GABRA2: variants seen among roughly 807,000 people sequenced by gnomAD.
The protein encoded by GABRA2 is gamma-aminobutyric acid receptor subunit alpha-2.
A neutral mutation model predicts 48.7 loss-of-function variants in GABRA2; 16 were observed. That is an observed-to-expected ratio of 0.33 (90% CI 0.22 to 0.50). GABRA2 has a LOEUF of 0.50. Ranked by LOEUF, GABRA2 falls within the 20% of genes least tolerant of loss-of-function variation. The pLI, the probability that GABRA2 is intolerant of heterozygous loss-of-function variation, is 0.98. For synonymous variants in GABRA2, 185 were observed against 184.5 expected, an observed-to-expected ratio of 1.00 and a Z score of -0.02; for missense variants, 275 against 535.6, an observed-to-expected ratio of 0.51 and a Z score of 4.80.
intron 8 of GABRA2, among the ~76,000 whole-genome samples, chr4:46,278,328 A>G (rs994510709): frequency 6.6e-6 from 1 of 152,124 alleles, no homozygotes. Context: ...TAGGATCCCT[A>G]TGGGGTAGAT....
At chr4:46,326,278 A>G (rs1177074322) in intron 4 of GABRA2, among the ~76,000 whole-genome samples, 2 of 151,888 alleles carry the variant, frequency 1.3e-5, no homozygotes, top group Non-Finnish European at 2.9e-5. Flanking sequence ...TAATGAATGG[A>G]GTCAAATTAC....
At chr4:46,286,152 T>C (rs1238205797) in intron 8 of GABRA2, among the ~76,000 whole-genome samples, 1 of 152,062 alleles carries the variant, frequency 6.6e-6, no homozygotes, top group Non-Finnish European at 1.5e-5. Context: ...GAACCATTTC[T>C]GTCTCTATGG....
At chr4:46,298,506 G>A (rs1401508708) in intron 8 of GABRA2, among the ~76,000 whole-genome samples, 3 of 151,820 alleles carry the variant, frequency 2.0e-5, no homozygotes, top group Non-Finnish European at 2.9e-5. Context: ...TTTTGATATC[G>A]TTCATTTAGA....
intron 8 of GABRA2, among the ~76,000 whole-genome samples, chr4:46,265,355 C>CTGTGTGTG (rs67846908): frequency 7.3e-6 from 1 of 137,490 alleles, no homozygotes; most frequent in Non-Finnish European, 1.5e-5. Flanking sequence ...ATATATGTAT[C>CTGTGTGTG]TGTGTGTGTG....
In GABRA2 at chr4:46,247,097, A is replaced by T. The variant is rs537747406; in HGVS notation, c.*3211T>A. The stretch of plus-strand genomic sequence containing the variant: ...ACTATTTAAGAAAAAAAATTTAGAA[A>T]CATGGCTCAAGGGGATCACTTATCC... On this transcript the variant is annotated 3_prime_UTR_variant, in exon 10 of 10. Transcript: ENST00000381620. 3.3e-5 allele frequency among the ~76,000 whole-genome samples: 5 copies of T among 151,434 alleles called. 1 individual carries two copies. The highest frequency in any genetic ancestry group is 1.2e-4 in the African/African-American group (5 of 41,486).
At chr4:46,388,518 A>G (rs1301169830) in intron 2 of GABRA2, 118 bp downstream of exon 2, 2 of 1,202,600 alleles carry the variant, frequency 1.7e-6, no homozygotes, top group Admixed American at 2.1e-5. Flanking sequence ...TTCCCCATAC[A>G]CCCCCTTTTC....
intron 3 of GABRA2, among the ~76,000 whole-genome samples, chr4:46,348,692 G>A (rs551038080): frequency 2.7e-4 from 40 of 146,048 alleles, no homozygotes; most frequent in African/African-American, 7.9e-4. Flanking sequence ...ACCAAACACC[G>A]CATGTTCTCA....
At chr4:46,326,952 ACTT>A (rs67752073) in intron 4 of GABRA2, among the ~76,000 whole-genome samples, 3,835 of 151,996 alleles carry the variant, frequency 0.025, 59 homozygotes, top group South Asian at 0.041. Flanking sequence ...GTCATTCTAT[ACTT>A]CTTCTTCCAC....
At chr4:46,322,200 G>C (rs1168175278) in intron 4 of GABRA2, among the ~76,000 whole-genome samples, 1 of 151,978 alleles carries the variant, frequency 6.6e-6, no homozygotes, top group Non-Finnish European at 1.5e-5. Context: ...GAAAAGGACA[G>C]AACATCTAGA....
intron 8 of GABRA2, among the ~76,000 whole-genome samples, chr4:46,265,337 G>T (rs911244632): frequency 1.5e-5 from 2 of 136,898 alleles, no homozygotes; most frequent in African/African-American, 2.9e-5. Context: ...ACCGCGCCTT[G>T]CCACTTTATA....
At chr4:46,253,858 AT>A (rs1715285003) in intron 9 of GABRA2, among the ~76,000 whole-genome samples, 1 of 151,442 alleles carries the variant, frequency 6.6e-6, no homozygotes, top group African/African-American at 2.4e-5. Flanking sequence ...ACAAAGTCTT[AT>A]TTTAAAGGGG....
chr4:46,279,594 C>T (rs566150874), intron 8 of GABRA2, among the ~76,000 whole-genome samples: 7 of 151,978 alleles, frequency 4.6e-5, no homozygotes, highest in South Asian at 2.1e-4. Flanking sequence ...AAAAATCTTA[C>T]GTGGAAATAT....
intron 3 of GABRA2, among the ~76,000 whole-genome samples, chr4:46,376,740 C>T (rs1161555731): frequency 1.4e-5 from 2 of 144,470 alleles, no homozygotes; most frequent in Non-Finnish European, 3.0e-5. Context: ...TTGTCTCCCT[C>T]TCCCTCTCCC....
At chr4:46,361,289 T>A (rs1335047001) in intron 3 of GABRA2, among the ~76,000 whole-genome samples, 1 of 152,282 alleles carries the variant, frequency 6.6e-6, no homozygotes, top group East Asian at 1.9e-4. Flanking sequence ...CCCTGCTGTG[T>A]GCAGTATAGG....
At chr4:46,346,557 C>T (rs908859423) in intron 3 of GABRA2, among the ~76,000 whole-genome samples, 5 of 149,858 alleles carry the variant, frequency 3.3e-5, no homozygotes, top group African/African-American at 4.9e-5. Flanking sequence ...ATTCCTGATG[C>T]TTTTAAAACG....
chr4:46,284,790 T>TA (rs544705564), intron 8 of GABRA2, among the ~76,000 whole-genome samples: 111 of 151,884 alleles, frequency 7.3e-4, no homozygotes, highest in Admixed American at 1.9e-3. Context: ...ATTAATTTTT[T>TA]AAAAAAAATT....
intron 4 of GABRA2, 144 bp downstream of exon 4, chr4:46,332,471 T>A: frequency 1.8e-6 from 1 of 554,590 alleles, no homozygotes; most frequent in Non-Finnish European, 3.3e-6. Context: ...GATCCAAACA[T>A]CTTTAACTAT....
At chr4:46,309,768 C>T (rs749229342) in intron 6 of GABRA2, among the ~76,000 whole-genome samples, 3 of 152,196 alleles carry the variant, frequency 2.0e-5, no homozygotes, top group Middle Eastern at 6.8e-3. Context: ...GACTAAGCTT[C>T]TGTGCATGTC....
chr4:46,261,847 T>A (rs10938435), intron 9 of GABRA2, 79 bp downstream of exon 9: 689,990 of 1,218,320 alleles, frequency 0.57, 200,079 homozygotes, highest in South Asian at 0.76. Flanking sequence ...TTAATGTCAG[T>A]TTTTAGAAAC....
Sources: gnomAD v4.1 joint callset for allele counts (sites outside exome capture counted in the v4.1 genomes callset) on GRCh38, gnomAD v4.1.1 for gene constraint, MANE v1.5 for transcripts, NCBI Gene and HGNC (gene_info 2026-07-23, HGNC 2026-07-21) for gene names.